The following ULK4 variants were observed in gnomAD, a reference collection of about 807,000 sequenced individuals.
ULK4 encodes inactive serine/threonine-protein kinase ULK4.
In ULK4, 133 loss-of-function variants were observed where a neutral mutation model predicts 160.6. That is an observed-to-expected ratio of 0.83 (90% CI 0.72 to 0.96). The LOEUF (loss-of-function observed/expected upper bound fraction) is 0.96, where lower values mean the gene tolerates loss of function less well. ULK4 is among the 40% of genes least tolerant of loss of function. The pLI, the probability that ULK4 is intolerant of heterozygous loss-of-function variation, is 0.00. For synonymous variants in ULK4, 534 were observed against 539.8 expected, an observed-to-expected ratio of 0.99 and a Z score of 0.15; for missense variants, 1,580 against 1,499.5, an observed-to-expected ratio of 1.05 and a Z score of -0.89.
chr3:41,722,241 C>G (rs1053635085), intron 22 of ULK4, among the ~76,000 whole-genome samples: 2 of 152,182 alleles, frequency 1.3e-5, no homozygotes, highest in African/African-American at 4.8e-5. Context: ...GGCTAACACT[C>G]TGTTTTTCAT....
chr3:41,851,419 G>T (rs1330748137), intron 17 of ULK4, among the ~76,000 whole-genome samples: 1 of 152,176 alleles, frequency 6.6e-6, no homozygotes, highest in East Asian at 1.9e-4. Flanking sequence ...GCATCCCAGG[G>T]ATGAAGCCCA....
At chr3:41,439,498 T>TAAA (rs1258817289) in intron 34 of ULK4, among the ~76,000 whole-genome samples, 1 of 152,144 alleles carries the variant, frequency 6.6e-6, no homozygotes, top group Non-Finnish European at 1.5e-5. Context: ...AAAAATGACT[T>TAAA]ATTTTTAACA....
At chr3:41,456,010 A>C (rs1271640710) in intron 33 of ULK4, among the ~76,000 whole-genome samples, 15 of 152,082 alleles carry the variant, frequency 9.9e-5, no homozygotes, top group Non-Finnish European at 1.5e-5. Flanking sequence ...CCTGGGTTCA[A>C]GCGATTCTCC....
chr3:41,795,201 C>T (rs1395061005), intron 20 of ULK4, among the ~76,000 whole-genome samples: 4 of 152,242 alleles, frequency 2.6e-5, no homozygotes, highest in Non-Finnish European at 4.4e-5. Context: ...AATGCATATA[C>T]TCAGTTCCTA....
rs58776901 is a variant in ULK4, at chr3:41,835,981, CA to C, written c.1657-11del. ...TTAAGAGAACAATTGCCTGCAAAGA[CA>C]AAAAAAAAAAAAGTAAATTATTTCA... On this transcript the variant is annotated splice_polypyrimidine_tract_variant and intron_variant, in intron 17 of 36. Coordinates refer to ENST00000301831, the MANE Select transcript of ULK4 (RefSeq NM_017886.4). 126,657 of 1,077,638 alleles carry C rather than the reference CA, an allele frequency of 0.12. 1 individual carries two copies. Among genetic ancestry groups the C allele is most frequent in the South Asian group, 0.16 (9,832 of 59,914 alleles). 66.8% of individuals were successfully genotyped at this position (1,077,638 alleles called of 1,614,324 possible). A position where few individuals can be genotyped will look rare whatever the true frequency, so the allele number is the denominator to read the frequency against.
intron 32 of ULK4, among the ~76,000 whole-genome samples, chr3:41,556,036 G>T (rs1001928567): frequency 2.0e-5 from 3 of 152,126 alleles, no homozygotes; most frequent in Admixed American, 6.6e-5. Flanking sequence ...AGGGTGGAGG[G>T]TGGGAAGAGA....
At chr3:41,466,421 C>G (rs543073880) in intron 32 of ULK4, among the ~76,000 whole-genome samples, 10 of 152,114 alleles carry the variant, frequency 6.6e-5, no homozygotes, top group Non-Finnish European at 1.5e-4. Context: ...GAAAAAAATC[C>G]TTTTCAACAA....
intron 35 of ULK4, among the ~76,000 whole-genome samples, chr3:41,277,101 G>A (rs946164301): frequency 3.3e-5 from 5 of 151,988 alleles, no homozygotes; most frequent in Non-Finnish European, 5.9e-5. Flanking sequence ...AGACTGAAAT[G>A]GTAATTAAAA....
At chr3:41,954,176 TAAAAA>T (rs11325222) in intron 2 of ULK4, among the ~76,000 whole-genome samples, 1 of 118,688 alleles carries the variant, frequency 8.4e-6, no homozygotes. Flanking sequence ...GACTCCGTCT[TAAAAA>T]AAAAAAAAAA....
intron 22 of ULK4, among the ~76,000 whole-genome samples, chr3:41,732,072 T>C (rs566442441): frequency 3.9e-5 from 6 of 152,050 alleles, no homozygotes; most frequent in Admixed American, 6.6e-5. Flanking sequence ...GTCTGGTCCA[T>C]GATTTTTTGG....
chr3:41,941,779 A>G, intron 2 of ULK4, among the ~76,000 whole-genome samples: 1 of 145,848 alleles, frequency 6.9e-6, no homozygotes, highest in African/African-American at 2.5e-5. Context: ...AAAAAAAAAA[A>G]GAGAAAGAAA....
At chr3:41,503,269 AAAACTCTCACAAGAAACTTAGTTAGT>A in intron 32 of ULK4, among the ~76,000 whole-genome samples, 1 of 152,234 alleles carries the variant, frequency 6.6e-6, no homozygotes, top group Non-Finnish European at 1.5e-5. Flanking sequence ...ATTTAATTTC[AAAACTCTCACAAGAAACTTAGTTAGT>A]GCACCAAAAC....
At chr3:41,817,350 T>A (rs1485697496) in intron 19 of ULK4, among the ~76,000 whole-genome samples, 1 of 152,166 alleles carries the variant, frequency 6.6e-6, no homozygotes, top group African/African-American at 2.4e-5. Context: ...GACACCTAGG[T>A]TGATTCCATA....
chr3:41,881,508 C>T (rs1197487313), intron 17 of ULK4, among the ~76,000 whole-genome samples: 1 of 151,930 alleles, frequency 6.6e-6, no homozygotes, highest in Non-Finnish European at 1.5e-5. Context: ...ACAGTTTTTG[C>T]CATTAAAAGT....
At chr3:41,708,177 C>CAT (rs151064663) in intron 25 of ULK4, among the ~76,000 whole-genome samples, 4,335 of 149,994 alleles carry the variant, frequency 0.029, 190 homozygotes, top group African/African-American at 0.099. Context: ...AATACATATA[C>CAT]ATATATATAT....
chr3:41,491,981 G>T (rs988234350), intron 32 of ULK4, among the ~76,000 whole-genome samples: 10 of 151,536 alleles, frequency 6.6e-5, no homozygotes, highest in Admixed American at 4.6e-4. Flanking sequence ...AACATGTGGT[G>T]TTTGGTTTTT....
At chr3:41,553,793 C>CCAGCATGGTT (rs2087176676) in intron 32 of ULK4, among the ~76,000 whole-genome samples, 1 of 151,684 alleles carries the variant, frequency 6.6e-6, no homozygotes, top group African/African-American at 2.4e-5. Context: ...ATGGGGCATC[C>CCAGCATGGTT]ATCCCATCAA....
chr3:41,353,545 G>A (rs1375876119), intron 35 of ULK4, among the ~76,000 whole-genome samples: 1 of 151,972 alleles, frequency 6.6e-6, no homozygotes, highest in Non-Finnish European at 1.5e-5. Context: ...GCTCATGACT[G>A]TAGTCCTAGC....
intron 18 of ULK4, among the ~76,000 whole-genome samples, chr3:41,827,266 A>G (rs1309715352): frequency 6.6e-6 from 1 of 150,506 alleles, no homozygotes; most frequent in Non-Finnish European, 1.5e-5. Flanking sequence ...AAGCAAGAGC[A>G]AACACATTCA....
Sources: gnomAD v4.1 joint callset for allele counts (sites outside exome capture counted in the v4.1 genomes callset) on GRCh38, gnomAD v4.1.1 for gene constraint, MANE v1.5 for transcripts, NCBI Gene and HGNC (gene_info 2026-07-23, HGNC 2026-07-21) for gene names.